The following ADAM22 variants were observed in gnomAD, a reference collection of about 807,000 sequenced individuals.
ADAM22 encodes disintegrin and metalloproteinase domain-containing protein 22.
Under a neutral mutation model 144.6 loss-of-function variants are expected in ADAM22, and 65 were observed. That is an observed-to-expected ratio of 0.45 (90% CI 0.37 to 0.55). ADAM22 has a LOEUF of 0.55. ADAM22 is among the 20% of genes least tolerant of loss of function. The probability of loss-of-function intolerance (pLI) is 0.00; values close to 1 mark genes in which losing one functional copy is unlikely to be tolerated. For synonymous variants in ADAM22, 391 were observed against 412.6 expected (o/e 0.95, Z 0.63); for missense variants, 974 against 1,184.9 (o/e 0.82, Z 2.61).
intron 14 of ADAM22, among the ~76,000 whole-genome samples, chr7:88,139,424 A>T (rs1833962320): frequency 6.7e-6 from 1 of 148,326 alleles, no homozygotes; most frequent in Admixed American, 6.7e-5. Context: ...ATCTCTAAAT[A>T]AATAAATAAA....
intron 1 of ADAM22, 52 bp downstream of exon 1, chr7:87,934,602 T>C (rs1227593290): frequency 1.3e-6 from 2 of 1,545,274 alleles, no homozygotes; most frequent in East Asian, 2.3e-5. Flanking sequence ...CCGGGAATCT[T>C]TGGAGCCCTC....
chr7:88,200,406 T>A lies in ADAM22; in HGVS notation c.*3915T>A, dbSNP rs1052012239. The stretch of plus-strand genomic sequence containing the variant: ...GGAAGGGGAGAGCCAAGTTAGGAAC[T>A]GGCAGGAGCGAGGAGGGACAAGACA... On this transcript the variant is annotated 3_prime_UTR_variant, in exon 32 of 32. Transcript: ENST00000413139. 1.3e-5 allele frequency: 2 copies of A among 152,248 alleles called. No individual in the cohort carries two copies. Among genetic ancestry groups the A allele is most frequent in the Non-Finnish European group, 2.9e-5 (2 of 68,056 alleles). The allele number at this position is 152,248 out of a possible 1,614,324, so 9.4% of individuals were successfully genotyped here.
Position 88,054,646 on chromosome 7 carries a change from C to T in ADAM22, c.324-20980C>T, listed in dbSNP as rs543865178. The stretch of plus-strand genomic sequence containing the variant: ...TGTGTGTGTGTGATTCCTCTGCACA[C>T]ATGGTCGGTTTCCCCTGCACGCTTC... On this transcript the variant is annotated intron_variant, in intron 3 of 31. Coordinates refer to ENST00000413139, the MANE Select transcript of ADAM22 (RefSeq NM_001324418.2). 4.6e-5 allele frequency among the ~76,000 whole-genome samples: 6 copies of T among 131,506 alleles called. No homozygotes were observed. In the South Asian group the frequency reaches 1.5e-3, roughly 33 times the overall value. 86.3% of individuals were successfully genotyped at this position (131,506 alleles called of 152,430 possible).
intron 7 of ADAM22, among the ~76,000 whole-genome samples, chr7:88,122,258 TG>T (rs1192845391): frequency 6.6e-6 from 1 of 152,218 alleles, no homozygotes; most frequent in Non-Finnish European, 1.5e-5. Flanking sequence ...CTAGTGCTCA[TG>T]TAATGAAAGC....
intron 3 of ADAM22, among the ~76,000 whole-genome samples, chr7:88,046,685 G>A (rs951533932): frequency 1.3e-5 from 2 of 152,134 alleles, no homozygotes; most frequent in Non-Finnish European, 2.9e-5. Context: ...TCTTCCAAAA[G>A]TTTTATAGCT....
chr7:88,069,148 T>C (rs1201837002), intron 3 of ADAM22, among the ~76,000 whole-genome samples: 2 of 151,632 alleles, frequency 1.3e-5, no homozygotes, highest in Non-Finnish European at 2.9e-5. Context: ...TTACCTTCCC[T>C]CCCTCTTCCT....
At chr7:88,157,285 A>G (rs1256444731) in intron 22 of ADAM22, among the ~76,000 whole-genome samples, 2 of 152,154 alleles carry the variant, frequency 1.3e-5, no homozygotes, top group African/African-American at 4.8e-5. Flanking sequence ...GTACATCTAA[A>G]CATATCATTA....
intron 4 of ADAM22, among the ~76,000 whole-genome samples, chr7:88,087,010 T>G (rs1353826994): frequency 2.0e-5 from 3 of 152,224 alleles, no homozygotes; most frequent in Non-Finnish European, 4.4e-5. Flanking sequence ...TAAATACAAC[T>G]ATTATCCTAA....
At chr7:87,985,323 AAAG>A (rs1438380695) in intron 3 of ADAM22, among the ~76,000 whole-genome samples, 4 of 152,048 alleles carry the variant, frequency 2.6e-5, no homozygotes, top group Admixed American at 1.3e-4. Context: ...AAAAAAAAAA[AAAG>A]AATTTATTTT....
At chr7:88,021,553 A>G (rs949282763) in intron 3 of ADAM22, among the ~76,000 whole-genome samples, 4 of 152,192 alleles carry the variant, frequency 2.6e-5, no homozygotes, top group Non-Finnish European at 4.4e-5. Context: ...TATGTTTTCT[A>G]TTAGCGATCT....
chr7:88,034,064 T>A (rs1477923137), intron 3 of ADAM22, among the ~76,000 whole-genome samples: 1 of 152,056 alleles, frequency 6.6e-6, no homozygotes, highest in Non-Finnish European at 1.5e-5. Context: ...GTACCTAAGG[T>A]GCAAGACAAA....
chr7:88,052,623 A>T (rs549591856), intron 3 of ADAM22, among the ~76,000 whole-genome samples: 15 of 152,308 alleles, frequency 9.8e-5, no homozygotes, highest in South Asian at 2.1e-4. Flanking sequence ...AAAATTTGTG[A>T]TAATTTTTGG....
rs549535586 is a variant in ADAM22, at chr7:88,136,179, A to G, written c.1220+148A>G. The G allele has an allele frequency of 3.1e-4, 165 of 535,224 alleles. 1 individual carries two copies. The highest frequency in any genetic ancestry group is 2.0e-5 in the African/African-American group (1 of 51,226). The allele number at this position is 535,224 out of a possible 1,614,324, so 33.2% of individuals were successfully genotyped here. A position where few individuals can be genotyped will look rare whatever the true frequency, so the allele number is the denominator to read the frequency against. ...AAATAACCTCTTATTTATAAAAACA[A>G]TTGATGTCAATTAAGTTGGTAGACC... On this transcript the variant is annotated intron_variant, in intron 14 of 31. Transcript: ENST00000413139.
intron 26 of ADAM22, among the ~76,000 whole-genome samples, chr7:88,175,127 G>A (rs989924279): frequency 6.6e-6 from 1 of 152,236 alleles, no homozygotes; most frequent in Non-Finnish European, 1.5e-5. Flanking sequence ...TTCAATTGAT[G>A]CTTTTAGGAA....
At chr7:87,949,577 A>G (rs1387597958) in intron 2 of ADAM22, among the ~76,000 whole-genome samples, 1 of 152,204 alleles carries the variant, frequency 6.6e-6, no homozygotes, top group African/African-American at 2.4e-5. Context: ...AGAGAGTGAC[A>G]TCTACTATTT....
chr7:88,170,964 A>G (rs1844173168), intron 25 of ADAM22, among the ~76,000 whole-genome samples: 1 of 151,932 alleles, frequency 6.6e-6, no homozygotes, highest in Non-Finnish European at 1.5e-5. Flanking sequence ...AAGTATTTCC[A>G]ATGTGAAGCT....
At chr7:88,053,591 GGAAA>G (rs1214968746) in intron 3 of ADAM22, among the ~76,000 whole-genome samples, 15,914 of 112,112 alleles carry the variant, frequency 0.14, 1,061 homozygotes, top group African/African-American at 0.15. Flanking sequence ...AAGGAAGGAA[GGAAA>G]GAAAGAAAGA....
chr7:88,035,827 T>A (rs1021217085), intron 3 of ADAM22, among the ~76,000 whole-genome samples: 1 of 152,206 alleles, frequency 6.6e-6, no homozygotes, highest in East Asian at 1.9e-4. Flanking sequence ...CAAGGGATGA[T>A]TTTAGTCGTG....
chr7:88,013,176 A>G (rs193062897), intron 3 of ADAM22, among the ~76,000 whole-genome samples: 3 of 152,298 alleles, frequency 2.0e-5, no homozygotes. Flanking sequence ...AGCATCCAGT[A>G]GCTTCTGCTC....
Sources: gnomAD v4.1 joint callset for allele counts (sites outside exome capture counted in the v4.1 genomes callset) on GRCh38, gnomAD v4.1.1 for gene constraint, MANE v1.5 for transcripts, NCBI Gene and HGNC (gene_info 2026-07-23, HGNC 2026-07-21) for gene names.